Variants in CTNND2 observed in about 807,000 individuals in gnomAD.
CTNND2 encodes the protein catenin delta-2.
A neutral mutation model predicts 144.4 loss-of-function variants in CTNND2; 22 were observed. The ratio of observed to expected loss-of-function variants is 0.15; its 90% CI spans 0.11 to 0.22. The LOEUF (loss-of-function observed/expected upper bound fraction) is 0.22, where lower values mean the gene tolerates loss of function less well. Ranked by LOEUF, CTNND2 falls within the 10% of genes least tolerant of loss-of-function variation. The pLI is 1.00. For synonymous variants in CTNND2, 751 were observed against 695.6 expected, an observed-to-expected ratio of 1.08 and a Z score of -1.25; for missense variants, 1,353 against 1,618.8, an observed-to-expected ratio of 0.84 and a Z score of 2.82.
intron 3 of CTNND2, among the ~76,000 whole-genome samples, chr5:11,457,768 T>C (rs2149926804): frequency 6.6e-6 from 1 of 152,346 alleles, no homozygotes; most frequent in South Asian, 2.1e-4. Flanking sequence ...ATGGGTGACT[T>C]CAAGATCCAA....
At chr5:11,847,613 T>C (rs1330114601) in intron 1 of CTNND2, among the ~76,000 whole-genome samples, 2 of 151,996 alleles carry the variant, frequency 1.3e-5, no homozygotes, top group Non-Finnish European at 2.9e-5. Flanking sequence ...TATTTCGAAA[T>C]AGCTAGAAGA....
intron 9 of CTNND2, among the ~76,000 whole-genome samples, chr5:11,302,185 T>A (rs73055778): frequency 1.3e-3 from 197 of 152,316 alleles, no homozygotes; most frequent in African/African-American, 4.3e-3. Flanking sequence ...AGGTTGGCTC[T>A]TCCCATCAGT....
chr5:11,740,913 A>T (rs1478423545), intron 1 of CTNND2, among the ~76,000 whole-genome samples: 1 of 151,738 alleles, frequency 6.6e-6, no homozygotes, highest in Non-Finnish European at 1.5e-5. Flanking sequence ...AGGACTTTTC[A>T]TACAGGCACT....
intron 3 of CTNND2, among the ~76,000 whole-genome samples, chr5:11,421,069 G>C (rs1762324747): frequency 6.6e-6 from 1 of 152,094 alleles, no homozygotes; most frequent in African/African-American, 2.4e-5. Context: ...GCTAAGACTA[G>C]CGGGAACCAA....
intron 3 of CTNND2, among the ~76,000 whole-genome samples, chr5:11,419,067 T>TAG (rs1165196267): frequency 7.5e-6 from 1 of 132,548 alleles, no homozygotes; most frequent in South Asian, 2.2e-4. Flanking sequence ...TAGATATATA[T>TAG]ATAGAGAGAG....
At chr5:11,083,940 C>A in intron 15 of CTNND2, 1 of 1,147,742 alleles carries the variant, frequency 8.7e-7, no homozygotes, top group Non-Finnish European at 1.1e-6. Context: ...ATGCCTGCCA[C>A]ATCCTCAGCC....
intron 1 of CTNND2, among the ~76,000 whole-genome samples, chr5:11,830,680 A>C (rs1793852467): frequency 6.6e-6 from 1 of 152,132 alleles, no homozygotes; most frequent in Non-Finnish European, 1.5e-5. Context: ...CTCCACGCAG[A>C]TCTCCCAGAG....
intron 2 of CTNND2, among the ~76,000 whole-genome samples, chr5:11,639,065 G>A (rs1028569647): frequency 1.3e-5 from 2 of 152,014 alleles, no homozygotes; most frequent in Non-Finnish European, 2.9e-5. Context: ...TCTCCAAAAG[G>A]GGGTGATTTT....
At chr5:10,985,410 C>T (rs1303213406) in intron 20 of CTNND2, among the ~76,000 whole-genome samples, 1 of 152,178 alleles carries the variant, frequency 6.6e-6, no homozygotes, top group African/African-American at 2.4e-5. Flanking sequence ...TTTTATGAGG[C>T]TTCATCCAAG....
intron 9 of CTNND2, among the ~76,000 whole-genome samples, chr5:11,273,444 G>A (rs1248034405): frequency 1.3e-5 from 2 of 152,154 alleles, no homozygotes; most frequent in Non-Finnish European, 2.9e-5. Context: ...GAAGTGTCTC[G>A]CTGAAGAGCA....
intron 14 of CTNND2, among the ~76,000 whole-genome samples, chr5:11,103,911 G>C (rs1185505242): frequency 6.6e-6 from 1 of 152,124 alleles, no homozygotes; most frequent in African/African-American, 2.4e-5. Context: ...CACTGGGCTG[G>C]GTACTGAGGA....
chr5:11,363,299 G>A (rs1476386059), intron 8 of CTNND2, among the ~76,000 whole-genome samples: 1 of 152,034 alleles, frequency 6.6e-6, no homozygotes, highest in Non-Finnish European at 1.5e-5. Context: ...ATTAATAAAG[G>A]ATAATTCTAA....
At chr5:11,899,206 T>C (rs1474562185) in intron 1 of CTNND2, among the ~76,000 whole-genome samples, 1 of 152,238 alleles carries the variant, frequency 6.6e-6, no homozygotes, top group African/African-American at 2.4e-5. Flanking sequence ...GATGATGAGA[T>C]TCATGCTCGG....
chr5:11,088,758 C>A (rs1750443910), intron 15 of CTNND2, among the ~76,000 whole-genome samples: 1 of 132,690 alleles, frequency 7.5e-6, no homozygotes, highest in Non-Finnish European at 1.7e-5. Context: ...AACTACAGTG[C>A]AATTATATTT....
chr5:11,175,424 T>A (rs1760385494), intron 11 of CTNND2, among the ~76,000 whole-genome samples: 1 of 152,200 alleles, frequency 6.6e-6, no homozygotes, highest in Non-Finnish European at 1.5e-5. Context: ...ATTCTTATCA[T>A]ATACTCACAT....
chr5:11,186,341 G>A (rs1158299923), intron 11 of CTNND2, among the ~76,000 whole-genome samples: 4 of 152,166 alleles, frequency 2.6e-5, no homozygotes, highest in Non-Finnish European at 5.9e-5. Context: ...CTCCACCCCA[G>A]TTAACACTGC....
intron 3 of CTNND2, among the ~76,000 whole-genome samples, chr5:11,560,132 G>A (rs549536753): frequency 2.0e-5 from 3 of 152,296 alleles, no homozygotes; most frequent in Middle Eastern, 3.4e-3. Flanking sequence ...ATGAAATGAG[G>A]CAACATGTAC....
intron 10 of CTNND2, among the ~76,000 whole-genome samples, chr5:11,222,182 G>A (rs1739868973): frequency 6.6e-6 from 1 of 152,038 alleles, no homozygotes; most frequent in Non-Finnish European, 1.5e-5. Flanking sequence ...GCGGGGGGAA[G>A]ATAAAAAGAA....
intron 1 of CTNND2, among the ~76,000 whole-genome samples, chr5:11,811,327 C>G (rs1035598939): frequency 1.3e-5 from 2 of 152,166 alleles, no homozygotes; most frequent in African/African-American, 4.8e-5. Flanking sequence ...AAAACACCAC[C>G]TCCCGTGCTC....
Sources: allele counts gnomAD v4.1 joint callset (sites outside exome capture counted in the v4.1 genomes callset), GRCh38; gene constraint gnomAD v4.1.1; transcripts MANE v1.5; gene names NCBI Gene and HGNC (gene_info 2026-07-23, HGNC 2026-07-21).